Variants in TTC7B observed in about 807,000 individuals in gnomAD.
The protein encoded by TTC7B is tetratricopeptide repeat domain 7B.
TTC7B carries 28 observed loss-of-function variants against 106.8 expected under a neutral mutation model. The ratio of observed to expected loss-of-function variants is 0.26; its 90% CI spans 0.19 to 0.36. The LOEUF (loss-of-function observed/expected upper bound fraction) is 0.36. Ranked by LOEUF, TTC7B falls within the 10% of genes least tolerant of loss-of-function variation. The probability of loss-of-function intolerance (pLI) is 1.00; values close to 1 mark genes in which losing one functional copy is unlikely to be tolerated. For synonymous variants in TTC7B, 405 were observed against 430.6 expected (o/e 0.94, Z 0.74); for missense variants, 862 against 1,076.4 (o/e 0.80, Z 2.79).
intron 4 of TTC7B, among the ~76,000 whole-genome samples, chr14:90,740,494 C>CGTTT (rs757997776): frequency 2.6e-5 from 2 of 78,316 alleles, no homozygotes. Context: ...AATTCTTTGA[C>CGTTT]TTTTTTTTTT....
intron 3 of TTC7B, among the ~76,000 whole-genome samples, chr14:90,754,904 C>A (rs1341309151): frequency 6.6e-6 from 1 of 152,146 alleles, no homozygotes; most frequent in Non-Finnish European, 1.5e-5. Flanking sequence ...TAACAAATAT[C>A]AGAACTTCAT....
intron 3 of TTC7B, among the ~76,000 whole-genome samples, chr14:90,775,595 G>T (rs1891000906): frequency 2.0e-5 from 3 of 151,950 alleles, no homozygotes; most frequent in South Asian, 2.1e-4. Context: ...CCTCCTCCTG[G>T]GCACAGGAGG....
intron 3 of TTC7B, among the ~76,000 whole-genome samples, chr14:90,756,467 C>T (rs989765696): frequency 2.7e-5 from 4 of 149,454 alleles, no homozygotes; most frequent in African/African-American, 9.8e-5. Context: ...GATCTCGGCT[C>T]ACTGCAACTT....
intron 5 of TTC7B, among the ~76,000 whole-genome samples, chr14:90,702,996 TCACACTAAAAAATTTGAACTCAAA>T (rs1378730810): frequency 6.6e-6 from 1 of 152,144 alleles, no homozygotes; most frequent in Admixed American, 6.5e-5. Context: ...AAGGGCCAGA[TCACACTAAAAAATTTGAACTCAAA>T]AGTGAACCAC....
chr14:90,797,838 T>C (rs1473325403), intron 1 of TTC7B, among the ~76,000 whole-genome samples: 1 of 152,152 alleles, frequency 6.6e-6, no homozygotes, highest in African/African-American at 2.4e-5. Context: ...CTTGACAGGA[T>C]ACCTGTTAAC....
chr14:90,736,290 G>A (rs1025156926), intron 4 of TTC7B, among the ~76,000 whole-genome samples: 1 of 151,954 alleles, frequency 6.6e-6, no homozygotes, highest in Admixed American at 6.6e-5. Context: ...TTTAAAAAAA[G>A]GGGAGGAGGT....
In TTC7B at chr14:90,780,691, G is replaced by C. The variant is rs746773048; in HGVS notation, c.445+47C>G. ...AAATAGGCAGCTCCGAAGAGGCGCT[G>C]CTGGCTCCAGGTCACGGGACACTGT... On this transcript the variant is annotated intron_variant, in intron 3 of 19. Transcript: ENST00000328459. 14 of 1,584,772 alleles carry C rather than the reference G, an allele frequency of 8.8e-6. No individual in the cohort carries two copies. In the Admixed American group the frequency reaches 2.5e-4, roughly 28 times the overall value.
Position 90,657,248 on chromosome 14 carries a change from A to C in TTC7B, c.1267T>G (p.Cys423Gly). 2 of 1,613,938 alleles carry C rather than the reference A, an allele frequency of 1.2e-6. No homozygotes were observed. The highest frequency in any genetic ancestry group is 1.7e-6 in the Non-Finnish European group (2 of 1,179,996). The stretch of plus-strand genomic sequence containing the variant: ...GCATCGTCTGGCTTCAGGCGGATAC[A>C]CTCTTTCAGCACCTTCACGGCACGG... The part of the protein sequence containing the change: ...SARAVKVLKE[C>G]IRLKPDDATI... The change falls in exon 11 of 20, where the codon TGT becomes GGT. Residue 423 changes from cysteine to glycine, a missense_variant. Physicochemically the swap from Cys to Gly is radical, Grantham distance 159. Transcript: ENST00000328459. This position sits in a 1 kb window ranked among gnomAD's most constrained non-coding sequence, Gnocchi z 4.2.
At chr14:90,783,677 C>T (rs1051883614) in intron 2 of TTC7B, among the ~76,000 whole-genome samples, 3 of 152,212 alleles carry the variant, frequency 2.0e-5, no homozygotes, top group African/African-American at 7.2e-5. Context: ...TGGCTCAGGC[C>T]TGTAATCCCA....
At position 90,532,665 on chromosome 14, in the gene TTC7B, C is replaced by T. The variant is rs1436238880; in HGVS notation, c.*8703G>A. 6.6e-6 allele frequency: 1 copy of T among 152,198 alleles called. No homozygotes were observed. Among genetic ancestry groups the T allele is most frequent in the Admixed American group, 6.5e-5 (1 of 15,288 alleles). The allele number at this position is 152,198 out of a possible 1,614,324, so 9.4% of individuals were successfully genotyped here. A position where few individuals can be genotyped will look rare whatever the true frequency, so the allele number is the denominator to read the frequency against. On this transcript the variant is annotated 3_prime_UTR_variant, in exon 20 of 20. Transcript: ENST00000328459. ...TGGTAATTATCTTATTTGTTTACCC[C>T]TCTGTTTGGGGTCTGTCTTCCCAGT...
intron 4 of TTC7B, among the ~76,000 whole-genome samples, chr14:90,740,834 T>C (rs1357136414): frequency 1.3e-5 from 2 of 152,192 alleles, no homozygotes; most frequent in Non-Finnish European, 2.9e-5. Flanking sequence ...AGTATGTTTA[T>C]AATATTCCAG....
At chr14:90,589,633 T>A (rs993310394) in intron 18 of TTC7B, among the ~76,000 whole-genome samples, 2 of 152,224 alleles carry the variant, frequency 1.3e-5, no homozygotes, top group African/African-American at 4.8e-5. Flanking sequence ...TGTATAGGGA[T>A]ACTTATTGAA....
At chr14:90,714,054 T>C (rs1219910542) in intron 5 of TTC7B, among the ~76,000 whole-genome samples, 1 of 152,002 alleles carries the variant, frequency 6.6e-6, no homozygotes, top group Non-Finnish European at 1.5e-5. Flanking sequence ...ATGGAGAAAC[T>C]TTGTCTCTAT....
rs1555376861 is a variant in TTC7B, at chr14:90,579,831, GA to G, written c.2108-1524del. On this transcript the variant is annotated intron_variant, in intron 18 of 19. Transcript: ENST00000328459. ...AAAAACACCAAACAACAACAACAACGAAAAAAACAAGAAAGTTTTACTATTT... is the reference window on the plus strand; with the variant it reads ...AAAAACACCAAACAACAACAACAACGAAAAAACAAGAAAGTTTTACTATTT... 3.9e-5 allele frequency among the ~76,000 whole-genome samples: 6 copies of G among 152,146 alleles called. No homozygotes were observed. In the South Asian group the frequency reaches 6.2e-4, roughly 16 times the overall value.
intron 19 of TTC7B, among the ~76,000 whole-genome samples, chr14:90,546,276 TTTCCC>T (rs1009173905): frequency 1.3e-5 from 2 of 152,344 alleles, no homozygotes; most frequent in South Asian, 2.1e-4. Flanking sequence ...CCTTCCTTCC[TTTCCC>T]TTCCCTTCCC....
intron 16 of TTC7B, among the ~76,000 whole-genome samples, chr14:90,612,990 T>C (rs755847178): frequency 4.6e-5 from 7 of 152,236 alleles, no homozygotes; most frequent in Non-Finnish European, 1.5e-5. Flanking sequence ...GAAACAGCGT[T>C]CAGTTACATC....
In TTC7B at chr14:90,533,525, G is replaced by GCC. The variant is rs1422344543; in HGVS notation, c.*7841_*7842dup. ...TTATGGTGCACCCCGGGGGCCCCAT[G>GCC]CCCTGTCCAGGTTGACCTCTGTTAA... On this transcript the variant is annotated 3_prime_UTR_variant, in exon 20 of 20. Coordinates refer to ENST00000328459, the MANE Select transcript of TTC7B (RefSeq NM_001010854.2). The GCC allele has an allele frequency of 6.6e-6, 1 of 152,408 alleles. No homozygotes were observed. Among genetic ancestry groups the GCC allele is most frequent in the Non-Finnish European group, 1.5e-5 (1 of 68,210 alleles). The allele number at this position is 152,408 out of a possible 1,614,324, so 9.4% of individuals were successfully genotyped here. A position where few individuals can be genotyped will look rare whatever the true frequency, so the allele number is the denominator to read the frequency against.
chr14:90,795,666 C>G (rs974086231), intron 1 of TTC7B, among the ~76,000 whole-genome samples: 3 of 152,140 alleles, frequency 2.0e-5, no homozygotes, highest in African/African-American at 7.2e-5. Context: ...ATATGTAACG[C>G]ACATAGTCTG....
chr14:90,609,215 G>C (rs1435821935), intron 17 of TTC7B, among the ~76,000 whole-genome samples: 1 of 152,202 alleles, frequency 6.6e-6, no homozygotes, highest in East Asian at 1.9e-4. Flanking sequence ...TTTGGAGAGT[G>C]GTCAGGCCAC....
Sources: allele counts gnomAD v4.1 joint callset (sites outside exome capture counted in the v4.1 genomes callset), GRCh38; gene constraint gnomAD v4.1.1; non-coding constraint Gnocchi (gnomAD v3.1); transcripts MANE v1.5; gene names NCBI Gene and HGNC (gene_info 2026-07-23, HGNC 2026-07-21).